The following LRP2 variants were observed in gnomAD, a reference collection of about 807,000 sequenced individuals.
LRP2 encodes LDL receptor related protein 2, also known as low-density lipoprotein receptor-related protein 2.
A neutral mutation model predicts 531.0 loss-of-function variants in LRP2; 172 were observed. That is an observed-to-expected ratio of 0.32 (90% confidence interval 0.29 to 0.37). The LOEUF (loss-of-function observed/expected upper bound fraction) is 0.37. Among genes scored for constraint, LRP2 ranks in the 10% least tolerant of loss-of-function variants. LRP2 has a pLI of 1.00. For missense variants in LRP2, 5,167 were observed against 5,868.3 expected, an observed-to-expected ratio of 0.88 and a Z score of 3.90; for synonymous variants, 1,992 against 2,027.6, an observed-to-expected ratio of 0.98 and a Z score of 0.47.
In LRP2 at chr2:169,185,905, C is replaced by T. The variant is rs767792717; in HGVS notation, c.9443G>A (p.Arg3148Gln). 25 of 1,613,724 alleles carry T rather than the reference C, an allele frequency of 1.5e-5. No individual in the cohort carries two copies. Among genetic ancestry groups the T allele is most frequent in the East Asian group, 6.7e-5 (3 of 44,852 alleles). Residue 3148 changes from arginine to glutamine, a missense_variant, in exon 50 of 79, where the codon CGG (arginine) becomes CAG (glutamine). Transcript: ENST00000649046. ...RPGYKLMSDKRTCVDIDECTE... is the reference protein window; with the variant it reads ...RPGYKLMSDKQTCVDIDECTE... ...GCATTCATCAATATCAACACAAGTC[C>T]GCTTGTCAGACATGAGCTTGTAACC...
Position 169,154,403 on chromosome 2 carries a change from C to T in LRP2, c.12295+57G>A, listed in dbSNP as rs970539649. 5.9e-6 allele frequency: 9 copies of T among 1,529,568 alleles called. No homozygotes were observed. The African/African-American group carries it at 1.2e-4, about 21-fold the overall frequency. 94.7% of individuals were successfully genotyped at this position (1,529,568 alleles called of 1,614,324 possible). A position where few individuals can be genotyped will look rare whatever the true frequency, so the allele number is the denominator to read the frequency against. On this transcript the variant is annotated intron_variant, in intron 66 of 78. Coordinates refer to ENST00000649046, the MANE Select transcript of LRP2 (RefSeq NM_004525.3). ...CAATAAATTCCTTAAAAGTCAACAC[C>T]TTAAAATTCTATAAAGTCACTTAAT...
In LRP2 at chr2:169,176,066, A is replaced by G. The variant is rs142090371; in HGVS notation, c.10571+345T>C. 4.9e-3 allele frequency among the ~76,000 whole-genome samples: 742 copies of G among 152,364 alleles called. 9 individuals are homozygous for G. Among genetic ancestry groups the G allele is most frequent in the African/African-American group, 0.017 (694 of 41,578 alleles). On this transcript the variant is annotated intron_variant, in intron 54 of 78. Coordinates refer to ENST00000649046, the MANE Select transcript of LRP2 (RefSeq NM_004525.3). ...AGGAGCTAGGCCGGCATAGACATGG[A>G]AAAGACAGTGAAATTCTATTACTTC...
At chr2:169,248,513 T>G (rs1449669222) in intron 19 of LRP2, among the ~76,000 whole-genome samples, 2 of 152,254 alleles carry the variant, frequency 1.3e-5, no homozygotes, top group Non-Finnish European at 2.9e-5. Flanking sequence ...TAGTTCTGTG[T>G]GGTGCACAAT....
intron 53 of LRP2, 133 bp downstream of exon 53, chr2:169,177,670 C>T: frequency 1.2e-6 from 1 of 822,268 alleles, no homozygotes; most frequent in Middle Eastern, 2.4e-4. Flanking sequence ...TGTCAACTTT[C>T]AGCATATGCT....
Position 169,280,486 on chromosome 2 carries a change from C to T in LRP2, c.1205G>A (p.Arg402Gln), listed in dbSNP as rs201080826. 37 of 1,614,124 alleles carry T rather than the reference C, an allele frequency of 2.3e-5. No individual in the cohort carries two copies. The East Asian group carries it at 3.6e-4, about 16-fold the overall frequency. The part of the protein sequence containing the change: ...GEASIIFSNG[R>Q]DLLIGDIHGR... Reference sequence around the variant, plus strand: ...ATGAATATCACCAATTAACAAATCCCGACCATTGGAGAAGATAATGGAGGC... The same window carrying T: ...ATGAATATCACCAATTAACAAATCCTGACCATTGGAGAAGATAATGGAGGC... Residue 402 changes from arginine to glutamine, a missense_variant, in exon 11 of 79, where the codon CGG (arginine) becomes CAG (glutamine). Physicochemically the swap from Arg to Gln is conservative, Grantham distance 43. Around this residue, in one of 6 missense-constraint regions of LRP2, gnomAD observed 2,811 missense variants for 3,058.0 expected, o/e 0.92. Coordinates refer to ENST00000649046, the MANE Select transcript of LRP2 (RefSeq NM_004525.3).
Position 169,145,890 on chromosome 2 carries a change from T to C in LRP2, c.12845A>G (p.Asp4282Gly). 1 of 1,614,084 alleles carries C rather than the reference T, an allele frequency of 6.2e-7. No homozygotes were observed. The highest frequency in any genetic ancestry group is 8.5e-7 in the Non-Finnish European group (1 of 1,179,970). ...TTCCTTAGATATCCAGTATAACTGG[T>C]CTTCAAAGATGTCCAGGCTGTAAGG... ...MNPYSLDIFE[D>G]QLYWISKEKG... The change falls in exon 70 of 79, where the codon GAC becomes GGC. Residue 4282 changes from aspartate (D) to glycine (G), a missense_variant. Asp to Gly is a moderately conservative substitution (Grantham distance 94, BLOSUM62 -1). Around this residue, in one of 6 missense-constraint regions of LRP2, gnomAD observed 564 missense variants for 747.7 expected, o/e 0.75. Transcript: ENST00000649046.
At chr2:169,303,261 T>C (rs774926880) in intron 4 of LRP2, among the ~76,000 whole-genome samples, 1 of 152,198 alleles carries the variant, frequency 6.6e-6, no homozygotes, top group Non-Finnish European at 1.5e-5. Context: ...AAGTAACCTT[T>C]AAACAAAAAT....
chr2:169,185,362 A>G (rs1687597544), intron 50 of LRP2, 141 bp downstream of exon 50: 1 of 750,584 alleles, frequency 1.3e-6, no homozygotes, highest in African/African-American at 1.8e-5. Context: ...TATCAGATAC[A>G]AAGCAGAAAA....
intron 11 of LRP2, among the ~76,000 whole-genome samples, chr2:169,280,108 T>C (rs1317937176): frequency 6.6e-6 from 1 of 152,214 alleles, no homozygotes; most frequent in Non-Finnish European, 1.5e-5. Context: ...TTAATTAGGC[T>C]CCTGGACTCC....
At chr2:169,181,690 T>C in intron 51 of LRP2, 72 bp from the exon 52 acceptor site, 2 of 1,370,970 alleles carry the variant, frequency 1.5e-6, no homozygotes, top group South Asian at 1.2e-5. Context: ...ACACCTTTTC[T>C]CCATTTAGAG....
chr2:169,280,387 A>G lies in LRP2; in HGVS notation c.1304T>C (p.Leu435Pro). 6.2e-7 allele frequency: 1 copy of G among 1,614,214 alleles called. No individual in the cohort carries two copies. The highest frequency in any genetic ancestry group is 8.5e-7 in the Non-Finnish European group (1 of 1,180,032). ...GGTGTCTGTCCAAAAAACTCTTTGC[A>G]GGTGATAGTGGAAAGCCACACCCAC... ...VAVGVAFHYH[L>P]QRVFWTDTVQ... Residue 435 changes from leucine (L) to proline (P), a missense_variant, in exon 11 of 79, where the codon CTG becomes CCG. By Grantham distance (98) the Leu-to-Pro change is moderately conservative. Coordinates refer to ENST00000649046, the MANE Select transcript of LRP2 (RefSeq NM_004525.3).
intron 37 of LRP2, among the ~76,000 whole-genome samples, chr2:169,210,991 G>T (rs1320203563): frequency 6.6e-6 from 1 of 152,030 alleles, no homozygotes; most frequent in Non-Finnish European, 1.5e-5. Flanking sequence ...ATCTTTCAAC[G>T]TTTCTGTGTT....
intron 3 of LRP2, among the ~76,000 whole-genome samples, chr2:169,317,907 T>C (rs928081588): frequency 6.6e-6 from 1 of 151,980 alleles, no homozygotes; most frequent in African/African-American, 2.4e-5. Flanking sequence ...CAAGATCGTG[T>C]CTCTACAAAA....
intron 32 of LRP2, 69 bp downstream of exon 32, chr2:169,226,353 A>C (rs1406706309): frequency 4.7e-6 from 6 of 1,285,400 alleles, no homozygotes; most frequent in Non-Finnish European, 6.7e-6. Context: ...GTTTGCTTAT[A>C]AGAAAACATC....
chr2:169,247,019 T>C, intron 20 of LRP2, 33 bp from the exon 21 acceptor site: 2 of 1,611,960 alleles, frequency 1.2e-6, no homozygotes, highest in Non-Finnish European at 8.5e-7. Flanking sequence ...GAGTCAGTCA[T>C]GTACATTTTC....
chr2:169,162,652 A>T (rs752318540), intron 62 of LRP2, 52 bp from the exon 63 acceptor site: 9 of 1,574,208 alleles, frequency 5.7e-6, no homozygotes, highest in South Asian at 1.1e-5. Flanking sequence ...ATGAAGCAAG[A>T]TACTTCCTTC....
At chr2:169,354,315 C>A (rs1256129701) in intron 1 of LRP2, among the ~76,000 whole-genome samples, 1 of 152,116 alleles carries the variant, frequency 6.6e-6, no homozygotes, top group African/African-American at 2.4e-5. Flanking sequence ...ATGTGTTATT[C>A]GCTGATAGTA....
intron 71 of LRP2, among the ~76,000 whole-genome samples, chr2:169,141,746 A>T (rs527344376): frequency 6.6e-6 from 1 of 152,332 alleles, no homozygotes; most frequent in South Asian, 2.1e-4. Context: ...CAAATCTCAA[A>T]GCCTGAAATT....
chr2:169,181,698 G>T, intron 51 of LRP2, 80 bp from the exon 52 acceptor site: 1 of 1,249,102 alleles, frequency 8.0e-7, no homozygotes, highest in South Asian at 1.2e-5. Flanking sequence ...TCTCCATTTA[G>T]AGAAATGGAG....
Sources: gnomAD v4.1 joint callset for allele counts (sites outside exome capture counted in the v4.1 genomes callset) on GRCh38, gnomAD v4.1.1 for gene constraint, gnomAD v4.1.1 regional missense constraint, MANE v1.5 for transcripts, NCBI Gene and HGNC (gene_info 2026-07-23, HGNC 2026-07-21) for gene names.